The following CCSER1 variants were observed in gnomAD, a reference collection of about 807,000 sequenced individuals.
CCSER1 encodes the protein coiled-coil serine rich protein 1, also known as serine-rich coiled-coil domain-containing protein 1.
CCSER1 carries 41 observed loss-of-function variants against 82.0 expected under a neutral mutation model. That is an observed-to-expected ratio of 0.50 (90% CI 0.39 to 0.65). The LOEUF (loss-of-function observed/expected upper bound fraction) is 0.65. Ranked by LOEUF, CCSER1 falls within the 30% of genes least tolerant of loss-of-function variation. The pLI, the probability that CCSER1 is intolerant of heterozygous loss-of-function variation, is 0.00. For synonymous variants in CCSER1, 414 were observed against 383.9 expected (o/e 1.08, Z -0.92); for missense variants, 1,119 against 1,064.2 (o/e 1.05, Z -0.72).
chr4:90,366,527 G>C (rs955784403), intron 3 of CCSER1, among the ~76,000 whole-genome samples: 1 of 151,624 alleles, frequency 6.6e-6, no homozygotes, highest in Non-Finnish European at 1.5e-5. Flanking sequence ...TTTAGATTTT[G>C]AAATGTGCAT....
chr4:90,507,746 A>G (rs930402589), intron 5 of CCSER1, among the ~76,000 whole-genome samples: 195 of 152,148 alleles, frequency 1.3e-3, no homozygotes, highest in African/African-American at 4.5e-3. Flanking sequence ...CAGGGCCTCT[A>G]AATTGTGAAT....
chr4:90,956,951 T>TG (rs1256093830), intron 9 of CCSER1, among the ~76,000 whole-genome samples: 2 of 149,536 alleles, frequency 1.3e-5, no homozygotes, highest in African/African-American at 4.9e-5. Flanking sequence ...AGCCTTTTTT[T>TG]TTTTTTTTGT....
intron 10 of CCSER1, among the ~76,000 whole-genome samples, chr4:91,390,022 G>A (rs1464591030): frequency 3.9e-5 from 6 of 151,962 alleles, no homozygotes; most frequent in African/African-American, 1.4e-4. Context: ...CTGTGACAAA[G>A]ACAGTTTTAT....
At chr4:90,878,710 C>A (rs1045386184) in intron 8 of CCSER1, among the ~76,000 whole-genome samples, 1 of 152,160 alleles carries the variant, frequency 6.6e-6, no homozygotes, top group African/African-American at 2.4e-5. Flanking sequence ...AATGGAGATG[C>A]AAATGTACTC....
intron 5 of CCSER1, among the ~76,000 whole-genome samples, chr4:90,607,930 GA>G (rs1489446322): frequency 6.6e-6 from 1 of 152,062 alleles, no homozygotes. Flanking sequence ...TTTTAAGGCA[GA>G]AATAACACAT....
chr4:90,776,800 A>G (rs1752950310), intron 7 of CCSER1, among the ~76,000 whole-genome samples: 1 of 152,208 alleles, frequency 6.6e-6, no homozygotes, highest in Non-Finnish European at 1.5e-5. Context: ...AGAAAGGTCA[A>G]ACAGCTGGTA....
At chr4:90,163,689 T>A (rs770357901) in intron 1 of CCSER1, among the ~76,000 whole-genome samples, 15 of 152,110 alleles carry the variant, frequency 9.9e-5, no homozygotes, top group Non-Finnish European at 2.2e-4. Context: ...AGATAGGAGA[T>A]TAACTTTACA....
At chr4:90,295,853 G>C (rs190406527) in intron 1 of CCSER1, among the ~76,000 whole-genome samples, 33 of 151,982 alleles carry the variant, frequency 2.2e-4, no homozygotes, top group African/African-American at 7.5e-4. Context: ...CATCTTATTA[G>C]ACTTTCTTTC....
At chr4:90,656,123 C>A (rs537849886) in intron 6 of CCSER1, among the ~76,000 whole-genome samples, 20 of 151,982 alleles carry the variant, frequency 1.3e-4, no homozygotes, top group African/African-American at 4.6e-4. Flanking sequence ...CATTAAAAAT[C>A]TCTTTTTAAA....
intron 7 of CCSER1, among the ~76,000 whole-genome samples, chr4:90,770,863 C>T (rs1047800363): frequency 6.6e-6 from 1 of 152,082 alleles, no homozygotes; most frequent in Non-Finnish European, 1.5e-5. Context: ...AATAAAATTT[C>T]TTGCTCAATA....
intron 10 of CCSER1, among the ~76,000 whole-genome samples, chr4:91,528,041 A>G (rs1195966088): frequency 6.6e-6 from 1 of 152,002 alleles, no homozygotes; most frequent in Non-Finnish European, 1.5e-5. Context: ...CAGCCACCTG[A>G]GTAGCTGGAA....
chr4:91,424,264 G>A (rs570679922), intron 10 of CCSER1, among the ~76,000 whole-genome samples: 197 of 151,456 alleles, frequency 1.3e-3, no homozygotes, highest in African/African-American at 4.6e-3. Context: ...TGATCCACCC[G>A]CCTCGGCCTC....
intron 1 of CCSER1, among the ~76,000 whole-genome samples, chr4:90,294,617 A>G (rs756792607): frequency 1.3e-4 from 20 of 152,172 alleles, no homozygotes; most frequent in African/African-American, 4.8e-4. Flanking sequence ...AGACATTTAC[A>G]TGCGTATTTC....
At chr4:91,359,432 A>C (rs72880830) in intron 10 of CCSER1, among the ~76,000 whole-genome samples, 48,772 of 151,534 alleles carry the variant, frequency 0.32, 9,015 homozygotes, top group African/African-American at 0.44. Context: ...TCTCTCTCTT[A>C]CCTCAATCTC....
chr4:90,361,238 C>A (rs1351420455), intron 3 of CCSER1, among the ~76,000 whole-genome samples: 2 of 151,988 alleles, frequency 1.3e-5, no homozygotes, highest in Non-Finnish European at 2.9e-5. Context: ...ATTAATTTAC[C>A]TCAGGTTTCA....
intron 1 of CCSER1, among the ~76,000 whole-genome samples, chr4:90,195,996 C>T (rs1282801875): frequency 6.6e-6 from 1 of 151,836 alleles, no homozygotes; most frequent in African/African-American, 2.4e-5. Context: ...ATATCTTTTC[C>T]TTTGTTCTCG....
chr4:90,708,390 A>G (rs1266041386), intron 6 of CCSER1, among the ~76,000 whole-genome samples: 1 of 152,150 alleles, frequency 6.6e-6, no homozygotes, highest in African/African-American at 2.4e-5. Flanking sequence ...CAGAACCAAA[A>G]ACACTGAGTT....
chr4:90,395,914 A>C (rs1751877608), intron 3 of CCSER1, among the ~76,000 whole-genome samples: 1 of 146,362 alleles, frequency 6.8e-6, no homozygotes, highest in Admixed American at 6.7e-5. Context: ...TACTAAAAAT[A>C]CAAAAAAAAA....
At chr4:91,140,825 T>A (rs1728953762) in intron 10 of CCSER1, among the ~76,000 whole-genome samples, 1 of 152,166 alleles carries the variant, frequency 6.6e-6, no homozygotes, top group South Asian at 2.1e-4. Flanking sequence ...CAACTTTATT[T>A]TGGCTTCAGG....
Sources: allele counts gnomAD v4.1 joint callset (sites outside exome capture counted in the v4.1 genomes callset), GRCh38; gene constraint gnomAD v4.1.1; transcripts MANE v1.5; gene names NCBI Gene and HGNC (gene_info 2026-07-23, HGNC 2026-07-21).